RIMS1: variants seen among roughly 807,000 people sequenced by gnomAD.
RIMS1 encodes the protein regulating synaptic membrane exocytosis protein 1.
In RIMS1, 83 loss-of-function variants were observed where a neutral mutation model predicts 214.1. That is an observed-to-expected ratio of 0.39 (90% confidence interval 0.32 to 0.47). RIMS1 has a LOEUF of 0.47. Among genes scored for constraint, RIMS1 ranks in the 20% least tolerant of loss-of-function variants. RIMS1 has a pLI of 0.99. For synonymous variants in RIMS1, 793 were observed against 786.8 expected, an observed-to-expected ratio of 1.01 and a Z score of -0.13; for missense variants, 2,050 against 2,161.8, an observed-to-expected ratio of 0.95 and a Z score of 1.03.
intron 5 of RIMS1, among the ~76,000 whole-genome samples, 154 bp downstream of exon 5, chr6:72,180,069 T>G (rs2048210715): frequency 6.6e-6 from 1 of 152,226 alleles, no homozygotes; most frequent in Non-Finnish European, 1.5e-5. Flanking sequence ...GCGTTGTCTA[T>G]CTCTAGAATG....
At chr6:72,078,567 A>G (rs1422600165) in intron 2 of RIMS1, among the ~76,000 whole-genome samples, 2 of 152,206 alleles carry the variant, frequency 1.3e-5, no homozygotes, top group Non-Finnish European at 1.5e-5. Flanking sequence ...ACTAGTGCCT[A>G]TATCGGAAGT....
intron 4 of RIMS1, among the ~76,000 whole-genome samples, chr6:72,151,180 C>G (rs2043516417): frequency 6.6e-6 from 1 of 152,104 alleles, no homozygotes; most frequent in African/African-American, 2.4e-5. Flanking sequence ...GTAGCTGGGA[C>G]TACAGGCTCC....
At chr6:72,325,834 C>T (rs2154327859) in intron 28 of RIMS1, among the ~76,000 whole-genome samples, 1 of 151,828 alleles carries the variant, frequency 6.6e-6, no homozygotes, top group East Asian at 1.9e-4. Flanking sequence ...TTTTTTAGTT[C>T]TGATTCTTAT....
At chr6:72,072,748 C>T (rs957157728) in intron 2 of RIMS1, among the ~76,000 whole-genome samples, 1 of 152,168 alleles carries the variant, frequency 6.6e-6, no homozygotes, top group African/African-American at 2.4e-5. Context: ...CAACACCACC[C>T]TTCTATAGTA....
At chr6:72,366,432 A>T (rs1595410373) in intron 29 of RIMS1, among the ~76,000 whole-genome samples, 1 of 152,220 alleles carries the variant, frequency 6.6e-6, no homozygotes, top group South Asian at 2.1e-4. Flanking sequence ...GCTATATTAT[A>T]TTCAATAAAG....
chr6:72,203,112 C>T (rs1313791050), intron 6 of RIMS1, among the ~76,000 whole-genome samples: 2 of 152,048 alleles, frequency 1.3e-5, no homozygotes, highest in South Asian at 2.1e-4. Context: ...TTCAGCCTTC[C>T]GAGTAGCTGG....
intron 4 of RIMS1, among the ~76,000 whole-genome samples, chr6:72,132,917 G>T (rs1277442539): frequency 6.6e-6 from 1 of 152,054 alleles, no homozygotes; most frequent in Non-Finnish European, 1.5e-5. Context: ...TTAATACAGT[G>T]TTATTTGTTG....
chr6:71,943,877 C>G (rs1249021821), intron 1 of RIMS1, among the ~76,000 whole-genome samples: 2 of 152,064 alleles, frequency 1.3e-5, no homozygotes, highest in African/African-American at 4.8e-5. Context: ...TGGCTTCAGT[C>G]TATTAAGTGA....
At chr6:72,120,535 T>C (rs1295830175) in intron 4 of RIMS1, among the ~76,000 whole-genome samples, 4 of 152,068 alleles carry the variant, frequency 2.6e-5, no homozygotes, top group Non-Finnish European at 5.9e-5. Flanking sequence ...TAAAGTTCTT[T>C]GCAGATTCTG....
intron 2 of RIMS1, among the ~76,000 whole-genome samples, chr6:72,071,083 A>ACACTT (rs1467642224): frequency 6.6e-6 from 1 of 152,228 alleles, no homozygotes; most frequent in Non-Finnish European, 1.5e-5. Context: ...AATATACATT[A>ACACTT]CACTTCACAA....
chr6:72,387,468 G>C (rs943067035), intron 29 of RIMS1, among the ~76,000 whole-genome samples: 2 of 152,176 alleles, frequency 1.3e-5, no homozygotes, highest in Admixed American at 1.3e-4. Flanking sequence ...GCCAGTATGT[G>C]GCCATGAGTG....
intron 4 of RIMS1, among the ~76,000 whole-genome samples, chr6:72,141,567 A>G (rs1347871735): frequency 6.6e-6 from 1 of 152,020 alleles, no homozygotes; most frequent in African/African-American, 2.4e-5. Flanking sequence ...ACTCAGAAGA[A>G]TAAAACTTGC....
intron 2 of RIMS1, among the ~76,000 whole-genome samples, chr6:72,050,329 T>C (rs1406374362): frequency 3.3e-5 from 5 of 152,326 alleles, no homozygotes; most frequent in South Asian, 2.1e-4. Flanking sequence ...CTGCTGTTAT[T>C]CTCCTACTAT....
intron 1 of RIMS1, among the ~76,000 whole-genome samples, chr6:71,948,973 G>A (rs2151101202): frequency 6.6e-6 from 1 of 152,270 alleles, no homozygotes; most frequent in Admixed American, 6.5e-5. Flanking sequence ...GCTAATTCAG[G>A]CCTGCAAAGC....
intron 1 of RIMS1, among the ~76,000 whole-genome samples, chr6:71,931,036 T>C (rs1425284694): frequency 6.6e-6 from 1 of 152,076 alleles, no homozygotes; most frequent in Non-Finnish European, 1.5e-5. Flanking sequence ...GAATAGATTT[T>C]TGTGTTCATA....
rs1452670764 is a variant in RIMS1, at chr6:71,966,849, AT to A, written c.165-2133del. 4.6e-5 allele frequency among the ~76,000 whole-genome samples: 7 copies of A among 151,978 alleles called. No individual in the cohort carries two copies. In the East Asian group the frequency reaches 1.4e-3, roughly 29 times the overall value. ...TAGGGCCTTTTAGTCAGAAAAAAAAATGTTTGCTTACAAACCTATCTTTAGT... is the reference window on the plus strand; with the variant it reads ...TAGGGCCTTTTAGTCAGAAAAAAAAAGTTTGCTTACAAACCTATCTTTAGT... On this transcript the variant is annotated intron_variant, in intron 1 of 33. Coordinates refer to ENST00000521978, the MANE Select transcript of RIMS1 (RefSeq NM_014989.7).
Position 72,260,696 on chromosome 6 carries a change from T to C in RIMS1, c.3054-9T>C. On this transcript the variant is annotated splice_polypyrimidine_tract_variant and intron_variant, in intron 18 of 33. Coordinates refer to ENST00000521978, the MANE Select transcript of RIMS1 (RefSeq NM_014989.7). ...TCTGTTTCACTCACCACCCATCCTG[T>C]CTGTGCAGTGAGCTTCTTATGCTGC... 6.2e-7 allele frequency: 1 copy of C among 1,612,252 alleles called. No homozygotes were observed. The highest frequency in any genetic ancestry group is 8.5e-7 in the Non-Finnish European group (1 of 1,178,878).
chr6:72,161,014 G>C lies in RIMS1; in HGVS notation c.472-18561G>C, dbSNP rs530493225. 6.5e-4 allele frequency among the ~76,000 whole-genome samples: 91 copies of C among 139,010 alleles called. 17 individuals are homozygous for C. The highest frequency in any genetic ancestry group is 1.3e-3 in the Non-Finnish European group (80 of 61,398). 91.2% of individuals were successfully genotyped at this position (139,010 alleles called of 152,430 possible). ...TTTGGCTGTGAATCCATCTGGTTCT[G>C]GACTTTTTTTTTTGGTTGGTAGGCA... On this transcript the variant is annotated intron_variant, in intron 4 of 33. Coordinates refer to ENST00000521978, the MANE Select transcript of RIMS1 (RefSeq NM_014989.7).
At chr6:72,015,494 G>T (rs1204794475) in intron 2 of RIMS1, among the ~76,000 whole-genome samples, 1 of 152,106 alleles carries the variant, frequency 6.6e-6, no homozygotes, top group African/African-American at 2.4e-5. Flanking sequence ...ATTCTTTGTT[G>T]CTTTCCATCT....
Sources: allele counts gnomAD v4.1 joint callset (sites outside exome capture counted in the v4.1 genomes callset), GRCh38; gene constraint gnomAD v4.1.1; transcripts MANE v1.5; gene names NCBI Gene and HGNC (gene_info 2026-07-23, HGNC 2026-07-21).